The following CNDP2 variants were observed in gnomAD, a reference collection of about 807,000 sequenced individuals.
CNDP2 encodes cytosolic non-specific dipeptidase.
In CNDP2, 38 loss-of-function variants were observed where a neutral mutation model predicts 55.0. That is an observed-to-expected ratio of 0.69 (90% confidence interval 0.53 to 0.90). CNDP2 has a LOEUF of 0.90. Ranked by LOEUF, CNDP2 falls within the 40% of genes least tolerant of loss-of-function variation. CNDP2 has a pLI of 0.00. For missense variants in CNDP2, 607 were observed against 621.7 expected, an observed-to-expected ratio of 0.98 and a Z score of 0.25; for synonymous variants, 241 against 260.2, an observed-to-expected ratio of 0.93 and a Z score of 0.71.
intron 10 of CNDP2, 146 bp downstream of exon 10, chr18:74,518,786 T>C: frequency 7.1e-7 from 1 of 1,411,302 alleles, no homozygotes; most frequent in South Asian, 1.3e-5. Context: ...GGACAGCTAG[T>C]GTGTGGGATG....
In CNDP2 at chr18:74,504,213, G is replaced by A. The variant is rs144112608; in HGVS notation, c.205-1636G>A. Among the ~76,000 whole-genome samples the A allele has an allele frequency of 6.9e-3, 1,020 of 147,768 alleles. 12 individuals carry two copies. Among genetic ancestry groups the A allele is most frequent in the African/African-American group, 0.024 (943 of 39,782 alleles). Reference sequence around the variant, plus strand: ...ACTGCCACTGGGACAAATGAGGGGCGTCAGGCCACACGCCACACACGCAGC... The same window carrying A: ...ACTGCCACTGGGACAAATGAGGGGCATCAGGCCACACGCCACACACGCAGC... On this transcript the variant is annotated intron_variant, in intron 3 of 11. Coordinates refer to ENST00000324262, the MANE Select transcript of CNDP2 (RefSeq NM_018235.3).
chr18:74,511,013 G>A lies in CNDP2; in HGVS notation c.657G>A (p.Glu219=). Residue 219 remains glutamate (E), a splice_region_variant and synonymous_variant, in exon 6 of 12, where the codon GAG becomes GAA. Coordinates refer to ENST00000324262, the MANE Select transcript of CNDP2 (RefSeq NM_018235.3). Reference sequence around the variant, plus strand: ...GGGGCATTTGCTACTTTTTCATCGAGGTACAGTGCCAAGCTGTACGGGTCA... The same window carrying A: ...GGGGCATTTGCTACTTTTTCATCGAAGTACAGTGCCAAGCTGTACGGGTCA... The part of the protein sequence containing the change: ...GLRGICYFFI[E]VECSNKDLHS... The A allele has an allele frequency of 6.2e-7, 1 of 1,613,456 alleles. No homozygotes were observed. Among genetic ancestry groups the A allele is most frequent in the South Asian group, 1.1e-5 (1 of 91,036 alleles).
At position 74,497,103 on chromosome 18, in the gene CNDP2, A is replaced by G. The variant is rs1292568058; in HGVS notation, c.-93+672A>G. ...AATAGAGACAATATTTGGTCCTCAC[A>G]GACAGGGCCACCAAACCAAACTCCC... On this transcript the variant is annotated intron_variant, in intron 1 of 11. Coordinates refer to ENST00000324262, the MANE Select transcript of CNDP2 (RefSeq NM_018235.3). Among the ~76,000 whole-genome samples the G allele has an allele frequency of 2.0e-5, 3 of 152,246 alleles. No homozygotes were observed. The East Asian group carries it at 5.8e-4, about 29-fold the overall frequency.
At chr18:74,517,692 A>G (rs1399034639) in intron 9 of CNDP2, 4 of 151,912 alleles carry the variant, frequency 2.6e-5, no homozygotes, top group Non-Finnish European at 5.9e-5. Context: ...AAGGCCGGCA[A>G]GCAGAATGGC....
rs768841329 is a variant in CNDP2, at chr18:74,506,047, G to A, written c.367+36G>A. 6 of 1,513,144 alleles carry A rather than the reference G, an allele frequency of 4.0e-6. No homozygotes were observed. In the South Asian group the frequency reaches 8.1e-5, roughly 21 times the overall value. 93.7% of individuals were successfully genotyped at this position (1,513,144 alleles called of 1,614,324 possible). A position where few individuals can be genotyped will look rare whatever the true frequency, so the allele number is the denominator to read the frequency against. On this transcript the variant is annotated intron_variant, in intron 4 of 11. Transcript: ENST00000324262. ...CGCGCCTATGCGTGCCCAGAGGAAA[G>A]GCACTGACTTTTGGAAAGTCATTGC...
intron 8 of CNDP2, 196 bp downstream of exon 8, chr18:74,513,915 T>G: frequency 1.8e-6 from 1 of 553,848 alleles, no homozygotes; most frequent in Non-Finnish European, 3.1e-6. Flanking sequence ...AAAATCTACT[T>G]TTGATTCCAT....
At chr18:74,502,693 T>G (rs1300541165) in intron 3 of CNDP2, among the ~76,000 whole-genome samples, 1 of 152,248 alleles carries the variant, frequency 6.6e-6, no homozygotes, top group Non-Finnish European at 1.5e-5. Flanking sequence ...TTCTTTTATA[T>G]TCTTTGATCT....
At chr18:74,513,406 T>C (rs889947293) in intron 7 of CNDP2, among the ~76,000 whole-genome samples, 153 bp from the exon 8 acceptor site, 4 of 152,224 alleles carry the variant, frequency 2.6e-5, no homozygotes, top group South Asian at 2.1e-4. Flanking sequence ...CTGTGGACGC[T>C]TGTGGCTGCT....
chr18:74,507,016 C>G (rs1049960468), intron 4 of CNDP2: 2 of 151,336 alleles, frequency 1.3e-5, no homozygotes, highest in Admixed American at 1.3e-4. Flanking sequence ...GGCCCAGTGT[C>G]AGTTGTGTTC....
chr18:74,522,214 GAAGAC>G lies in CNDP2; in HGVS notation c.*2150_*2154del, dbSNP rs555616822. ...TCATTTCAAAGTAAAAACAAAAAAA[GAAGAC>G]AAGGGTAGCGGCTTCAGGTACAGCT... On this transcript the variant is annotated 3_prime_UTR_variant, in exon 12 of 12. Coordinates refer to ENST00000324262, the MANE Select transcript of CNDP2 (RefSeq NM_018235.3). The G allele has an allele frequency of 1.1e-3, 170 of 152,288 alleles. 1 individual carries two copies. The highest frequency in any genetic ancestry group is 3.8e-3 in the African/African-American group (159 of 41,554). 9.4% of individuals were successfully genotyped at this position (152,288 alleles called of 1,614,324 possible).
rs749461876 is a variant in CNDP2, at chr18:74,516,314, C to T, written c.990C>T (p.Thr330=). Residue 330 remains threonine (T), a synonymous_variant, in exon 9 of 12, where the codon ACC becomes ACT. Coordinates refer to ENST00000324262, the MANE Select transcript of CNDP2 (RefSeq NM_018235.3). ...EGAFSGSGAK[T]VIPRKVVGKF... ...CCTTCTCTGGGTCTGGGGCCAAGACCGTGATTCCCAGGAAGGTGGTTGGCA... is the reference window on the plus strand; with the variant it reads ...CCTTCTCTGGGTCTGGGGCCAAGACTGTGATTCCCAGGAAGGTGGTTGGCA... 1.7e-5 allele frequency: 27 copies of T among 1,614,106 alleles called. No homozygotes were observed. The highest frequency in any genetic ancestry group is 8.9e-5 in the East Asian group (4 of 44,854).
chr18:74,519,949 G>A (rs751271847), intron 11 of CNDP2, 50 bp from the exon 12 acceptor site: 4 of 1,562,240 alleles, frequency 2.6e-6, no homozygotes, highest in South Asian at 2.3e-5. Flanking sequence ...CCACACCTGG[G>A]TGTTGGCTCA....
intron 9 of CNDP2, 124 bp downstream of exon 9, chr18:74,516,516 C>A: frequency 2.2e-6 from 2 of 916,290 alleles, no homozygotes; most frequent in Non-Finnish European, 3.2e-6. Flanking sequence ...CTGGCTCTGG[C>A]CAAGTCAGTA....
chr18:74,518,651 C>T lies in CNDP2; in HGVS notation c.1210+11C>T. On this transcript the variant is annotated intron_variant, in intron 10 of 11. Coordinates refer to ENST00000324262, the MANE Select transcript of CNDP2 (RefSeq NM_018235.3). ...GAGCCATGAAGACAGGTTGGACGCT[C>T]TCCTTGTGGATGATGCCGCGCAGGG... The T allele has an allele frequency of 6.2e-7, 1 of 1,614,014 alleles. No homozygotes were observed. Among genetic ancestry groups the T allele is most frequent in the South Asian group, 1.1e-5 (1 of 91,076 alleles).
intron 3 of CNDP2, among the ~76,000 whole-genome samples, chr18:74,504,484 G>T (rs1037589241): frequency 6.6e-6 from 1 of 152,248 alleles, no homozygotes; most frequent in African/African-American, 2.4e-5. Flanking sequence ...GCCCAGTTTC[G>T]TAAAGTGCTT....
In CNDP2 at chr18:74,510,847, G is replaced by A. The variant is rs757710471; in HGVS notation, c.491G>A (p.Gly164Asp). ...IPVNVRFCLEGMEESGSEGLD... is the reference protein window; with the variant it reads ...IPVNVRFCLEDMEESGSEGLD... Reference sequence around the variant, plus strand: ...GTCAACGTCCGATTCTGCCTCGAAGGCATGGAGGAGTCAGGCTCTGAGGGC... The same window carrying A: ...GTCAACGTCCGATTCTGCCTCGAAGACATGGAGGAGTCAGGCTCTGAGGGC... Residue 164 changes from glycine to aspartate, a missense_variant, in exon 6 of 12, where the codon GGC becomes GAC. Transcript: ENST00000324262. 6.2e-7 allele frequency: 1 copy of A among 1,614,180 alleles called. No individual in the cohort carries two copies. The highest frequency in any genetic ancestry group is 8.5e-7 in the Non-Finnish European group (1 of 1,180,030).
At position 74,522,307 on chromosome 18, in the gene CNDP2, G is replaced by A. The variant is rs1040928738; in HGVS notation, c.*2239G>A. ...AACTCAACTCCTCCATCAGAACTGTGAGAAATGCATTCTTTCAGCTTCTAA... is the reference window on the plus strand; with the variant it reads ...AACTCAACTCCTCCATCAGAACTGTAAGAAATGCATTCTTTCAGCTTCTAA... On this transcript the variant is annotated 3_prime_UTR_variant, in exon 12 of 12. Coordinates refer to ENST00000324262, the MANE Select transcript of CNDP2 (RefSeq NM_018235.3). The A allele has an allele frequency of 6.6e-6, 1 of 152,234 alleles. No individual in the cohort carries two copies. The highest frequency in any genetic ancestry group is 1.5e-5 in the Non-Finnish European group (1 of 68,072). The allele number at this position is 152,234 out of a possible 1,614,324, so 9.4% of individuals were successfully genotyped here.
chr18:74,520,255 G>T lies in CNDP2; in HGVS notation c.*187G>T. 1 of 576,494 alleles carries T rather than the reference G, an allele frequency of 1.7e-6. No individual in the cohort carries two copies. Among genetic ancestry groups the T allele is most frequent in the Non-Finnish European group, 3.1e-6 (1 of 321,970 alleles). The allele number at this position is 576,494 out of a possible 1,614,324, so 35.7% of individuals were successfully genotyped here. On this transcript the variant is annotated 3_prime_UTR_variant, in exon 12 of 12. Transcript: ENST00000324262. ...GTGGAGCTACCCGTTGGGCTTATGA[G>T]TGACCTGGAGTGACAGCTGAGTCAC... is the stretch of plus-strand genomic sequence containing the variant.
At chr18:74,498,629 C>T (rs1411992119) in intron 1 of CNDP2, among the ~76,000 whole-genome samples, 1 of 152,120 alleles carries the variant, frequency 6.6e-6, no homozygotes, top group Non-Finnish European at 1.5e-5. Context: ...ATAGGATTTC[C>T]TTTAATGTGA....
Sources: gnomAD v4.1 joint callset for allele counts (sites outside exome capture counted in the v4.1 genomes callset) on GRCh38, gnomAD v4.1.1 for gene constraint, MANE v1.5 for transcripts, NCBI Gene and HGNC (gene_info 2026-07-23, HGNC 2026-07-21) for gene names.